Variants in MTR observed in about 807,000 individuals in gnomAD.
MTR encodes the protein 5-methyltetrahydrofolate-homocysteine methyltransferase, also known as methionine synthase.
In MTR, 84 loss-of-function variants were observed where a neutral mutation model predicts 154.8. That is an observed-to-expected ratio of 0.54 (90% CI 0.45 to 0.65). MTR has a LOEUF of 0.65. Ranked by LOEUF, MTR falls within the 30% of genes least tolerant of loss-of-function variation. The pLI is 0.00. For missense variants in MTR, 1,275 were observed against 1,570.2 expected, an observed-to-expected ratio of 0.81 and a Z score of 3.18; for synonymous variants, 554 against 553.9, an observed-to-expected ratio of 1.00 and a Z score of 0.00.
chr1:236,881,449 A>G (rs1418539167), intron 25 of MTR, among the ~76,000 whole-genome samples: 1 of 151,952 alleles, frequency 6.6e-6, no homozygotes. Context: ...GGGTTTCCAA[A>G]TTGATTTCAG....
At position 236,861,105 on chromosome 1, in the gene MTR, T is replaced by C. The variant is rs767157715; in HGVS notation, c.2044-20T>C. On this transcript the variant is annotated intron_variant, in intron 19 of 32. Transcript: ENST00000366577. Reference sequence around the variant, plus strand: ...TTTCTTTCTTTCTTTTTCTTTTTTTTTTTTTTTTGTCTTTTTTAGGGCATT... The same window carrying C: ...TTTCTTTCTTTCTTTTTCTTTTTTTCTTTTTTTTGTCTTTTTTAGGGCATT... The C allele has an allele frequency of 3.2e-5, 48 of 1,503,828 alleles. No homozygotes were observed. The highest frequency in any genetic ancestry group is 1.9e-4 in the Middle Eastern group (1 of 5,162). The allele number at this position is 1,503,828 out of a possible 1,614,324, so 93.2% of individuals were successfully genotyped here. A position where few individuals can be genotyped will look rare whatever the true frequency, so the allele number is the denominator to read the frequency against.
intron 25 of MTR, among the ~76,000 whole-genome samples, chr1:236,884,606 C>T (rs1242509982): frequency 1.3e-5 from 2 of 152,206 alleles, no homozygotes; most frequent in Admixed American, 6.5e-5. Context: ...ATTTCTTCCG[C>T]TGATGATATG....
At chr1:236,826,423 G>C (rs531508088) in intron 10 of MTR, among the ~76,000 whole-genome samples, 1 of 152,238 alleles carries the variant, frequency 6.6e-6, no homozygotes, top group South Asian at 2.1e-4. Context: ...AGCCTCCTGA[G>C]TAGCTGGGAC....
Position 236,897,844 on chromosome 1 carries a change from T to C in MTR, c.*200T>C. The C allele has an allele frequency of 1.7e-6, 1 of 599,700 alleles. No individual in the cohort carries two copies. The highest frequency in any genetic ancestry group is 2.9e-6 in the Non-Finnish European group (1 of 341,870). 37.1% of individuals were successfully genotyped at this position (599,700 alleles called of 1,614,324 possible). On this transcript the variant is annotated 3_prime_UTR_variant, in exon 33 of 33. Coordinates refer to ENST00000366577, the MANE Select transcript of MTR (RefSeq NM_000254.3). ...GTGCCTGGAAAACAGGCGCTGTTTT[T>C]TTGGGACCTTGCGTGAAGAGCAGTG...
intron 6 of MTR, among the ~76,000 whole-genome samples, chr1:236,814,722 C>T (rs1341831818): frequency 6.6e-6 from 1 of 152,150 alleles, no homozygotes; most frequent in African/African-American, 2.4e-5. Flanking sequence ...TAGAATATGT[C>T]TGAGTAACTG....
chr1:236,809,341 C>T (rs1441787533), intron 4 of MTR, among the ~76,000 whole-genome samples: 1 of 152,180 alleles, frequency 6.6e-6, no homozygotes, highest in Admixed American at 6.5e-5. Context: ...TAACTAGCCT[C>T]CTGGCTGGAT....
At chr1:236,880,932 C>G (rs981850362) in intron 25 of MTR, 96 bp downstream of exon 25, 9 of 1,244,614 alleles carry the variant, frequency 7.2e-6, no homozygotes, top group Non-Finnish European at 1.1e-5. Context: ...TTATTCAGTT[C>G]TACTAAATAA....
intron 15 of MTR, among the ~76,000 whole-genome samples, chr1:236,849,462 C>T (rs1663773994): frequency 6.6e-6 from 1 of 152,122 alleles, no homozygotes; most frequent in African/African-American, 2.4e-5. Context: ...TTAAGGTAGG[C>T]TCTGAAAAGG....
intron 1 of MTR, among the ~76,000 whole-genome samples, chr1:236,802,135 T>G (rs1466848847): frequency 6.6e-6 from 1 of 152,176 alleles, no homozygotes; most frequent in African/African-American, 2.4e-5. Context: ...GGGATCTAAG[T>G]AGATGTTGGT....
chr1:236,804,072 A>G (rs957999662), intron 2 of MTR, among the ~76,000 whole-genome samples: 1 of 152,236 alleles, frequency 6.6e-6, no homozygotes, highest in South Asian at 2.1e-4. Context: ...TGGAAGCTGG[A>G]AGTCCACAGT....
rs141049539 is a variant in MTR at position 236,856,463 on chromosome 1, CTTCT to C, written c.1954-3364_1954-3361del. ...TTCCTTCCTCCTCTCCTTCTTCTTT[CTTCT>C]TTCTTCTTTCTTTTTTTCTTTCTTC... On this transcript the variant is annotated intron_variant, in intron 18 of 32. Transcript: ENST00000366577. Among the ~76,000 whole-genome samples the C allele has an allele frequency of 8.0e-3, 1,206 of 151,562 alleles. 9 individuals are homozygous for C. The highest frequency in any genetic ancestry group is 0.027 in the African/African-American group (1,111 of 41,300).
rs527474160 is a variant in MTR at position 236,828,396 on chromosome 1, AGTT to A, written c.996-789_996-787del. Among the ~76,000 whole-genome samples, 119 of 152,234 alleles carry A rather than the reference AGTT, an allele frequency of 7.8e-4. 3 individuals are homozygous for A. The highest frequency in any genetic ancestry group is 2.8e-3 in the African/African-American group (117 of 41,546). On this transcript the variant is annotated intron_variant, in intron 11 of 32. Transcript: ENST00000366577. ...GTTTTGTTTCCTCTTTAAAAAGAGGAGTTGTTTTAAATGTCTGTGTGTATGTTT... is the reference window on the plus strand; with the variant it reads ...GTTTTGTTTCCTCTTTAAAAAGAGGAGTTTTAAATGTCTGTGTGTATGTTT...
intron 16 of MTR, 42 bp from the exon 17 acceptor site, chr1:236,852,479 G>A: frequency 6.7e-7 from 1 of 1,484,346 alleles, no homozygotes; most frequent in Non-Finnish European, 9.4e-7. Context: ...GCTGTTTTTG[G>A]CAAAAAAGGG....
chr1:236,850,484 G>A lies in MTR; in HGVS notation c.1656G>A (p.Leu552=), dbSNP rs759432397. Reference sequence around the variant, plus strand: ...GGACTGGAATGGAGGAACACAACTTGTATGCCATTAATTTTATCCATGCAA... The same window carrying A: ...GGACTGGAATGGAGGAACACAACTTATATGCCATTAATTTTATCCATGCAA... The part of the protein sequence containing the change: ...TIGTGMEEHN[L]YAINFIHATK... Residue 552 remains leucine, a synonymous_variant, in exon 16 of 33, where the codon TTG becomes TTA. Coordinates refer to ENST00000366577, the MANE Select transcript of MTR (RefSeq NM_000254.3). 5.0e-6 allele frequency: 8 copies of A among 1,613,546 alleles called. No individual in the cohort carries two copies. Among genetic ancestry groups the A allele is most frequent in the Non-Finnish European group, 5.9e-6 (7 of 1,179,888 alleles).
intron 25 of MTR, among the ~76,000 whole-genome samples, chr1:236,884,857 T>C (rs1665933162): frequency 1.3e-5 from 2 of 152,166 alleles, no homozygotes; most frequent in Non-Finnish European, 2.9e-5. Context: ...GACTCTCTTA[T>C]CAGGCAGGCT....
chr1:236,804,797 C>T (rs1282299293), intron 2 of MTR, among the ~76,000 whole-genome samples: 1 of 152,042 alleles, frequency 6.6e-6, no homozygotes, highest in Admixed American at 6.6e-5. Context: ...CTTTGTTAGG[C>T]ATTTTCATAT....
intron 23 of MTR, 62 bp downstream of exon 23, chr1:236,873,902 TC>T (rs1665282908): frequency 6.7e-7 from 1 of 1,483,558 alleles, no homozygotes. Context: ...GTCTGTCATT[TC>T]CCTAGTTGTC....
In MTR at chr1:236,825,358, G is replaced by A; in HGVS notation, c.886G>A (p.Asp296Asn). ...CTCAGGTCTTCCCAACACCTTTGGT[G>A]ACTATGATGAAACGCCTTCTATGAT... ...PNAGLPNTFG[D>N]YDETPSMMAK... Residue 296 changes from aspartate (D) to asparagine (N), a missense_variant, in exon 10 of 33, where the codon GAC becomes AAC. Physicochemically the swap from Asp to Asn is conservative, Grantham distance 23. Coordinates refer to ENST00000366577, the MANE Select transcript of MTR (RefSeq NM_000254.3). The A allele has an allele frequency of 6.2e-7, 1 of 1,613,826 alleles. No individual in the cohort carries two copies. Among genetic ancestry groups the A allele is most frequent in the Non-Finnish European group, 8.5e-7 (1 of 1,179,786 alleles).
rs186512499 is a variant in MTR at position 236,818,101 on chromosome 1, G to T, written c.764+1558G>T. Reference sequence around the variant, plus strand: ...TCCTCCCTTCGCTTTCTCTTTTCCCGCCCCTTTGCTAAGTCTGAATTTGTT... The same window carrying T: ...TCCTCCCTTCGCTTTCTCTTTTCCCTCCCCTTTGCTAAGTCTGAATTTGTT... On this transcript the variant is annotated intron_variant, in intron 8 of 32. Coordinates refer to ENST00000366577, the MANE Select transcript of MTR (RefSeq NM_000254.3). Among the ~76,000 whole-genome samples the T allele has an allele frequency of 1.9e-4, 29 of 152,042 alleles. No homozygotes were observed. The East Asian group carries it at 5.6e-3, about 29-fold the overall frequency.
Sources: allele counts gnomAD v4.1 joint callset (sites outside exome capture counted in the v4.1 genomes callset), GRCh38; gene constraint gnomAD v4.1.1; transcripts MANE v1.5; gene names NCBI Gene and HGNC (gene_info 2026-07-23, HGNC 2026-07-21).